Variants in CLCC1 observed in about 807,000 individuals in gnomAD.
CLCC1 encodes chloride channel CLIC like 1.
Under a neutral mutation model 63.3 loss-of-function variants are expected in CLCC1, and 39 were observed. The observed-to-expected ratio is 0.62, with a 90% confidence interval of 0.48 to 0.81. The LOEUF is 0.81. Among genes scored for constraint, CLCC1 ranks in the 30% least tolerant of loss-of-function variants. The pLI, the probability that CLCC1 is intolerant of heterozygous loss-of-function variation, is 0.00. For synonymous variants in CLCC1, 217 were observed against 239.8 expected (o/e 0.90, Z 0.88); for missense variants, 549 against 669.4 (o/e 0.82, Z 1.98).
Position 108,940,045 on chromosome 1 carries a change from C to T in CLCC1, c.894G>A (p.Lys298=), listed in dbSNP as rs761340892. The T allele has an allele frequency of 2.5e-6, 4 of 1,604,206 alleles. No individual in the cohort carries two copies. The South Asian group carries it at 4.5e-5, about 18-fold the overall frequency. ...VNPIWLVPPT[K]ALAVTFTTFV... ...AATTTTTACAAAATATATGCTATAC[C>T]TTTGTTGGTGGGACCAACCAAATAG... The change falls in exon 9 of 13, where the codon AAG becomes AAA. Residue 298 remains lysine (K), a splice_region_variant and synonymous_variant. Coordinates refer to ENST00000369969, the MANE Select transcript of CLCC1 (RefSeq NM_001377458.1).
intron 2 of CLCC1, among the ~76,000 whole-genome samples, chr1:108,952,663 G>A (rs1655363859): frequency 6.6e-6 from 1 of 151,994 alleles, no homozygotes; most frequent in African/African-American, 2.4e-5. Context: ...AGCCAGGCAT[G>A]GTGGTGTGTG....
At chr1:108,937,661 G>T (rs1030616452) in intron 10 of CLCC1, among the ~76,000 whole-genome samples, 1 of 152,128 alleles carries the variant, frequency 6.6e-6, no homozygotes, top group Non-Finnish European at 1.5e-5. Context: ...GACACATTTC[G>T]ATTGAACTAT....
chr1:108,934,465 A>C (rs1186179237), intron 12 of CLCC1, 160 bp downstream of exon 12: 2 of 542,586 alleles, frequency 3.7e-6, no homozygotes, highest in Non-Finnish European at 6.3e-6. Flanking sequence ...ATCAAAGAGA[A>C]GATGAAATGA....
chr1:108,953,871 A>G lies in CLCC1; in HGVS notation c.-11-3423T>C, dbSNP rs191607854. Among the ~76,000 whole-genome samples, 1,331 of 148,734 alleles carry G rather than the reference A, an allele frequency of 8.9e-3. 18 individuals are homozygous for G. The highest frequency in any genetic ancestry group is 0.026 in the African/African-American group (993 of 38,292). On this transcript the variant is annotated intron_variant, in intron 2 of 12. Coordinates refer to ENST00000369969, the MANE Select transcript of CLCC1 (RefSeq NM_001377458.1). ...ACTAAAAATACAAAATTAGCTGGGT[A>G]TGGTGGTGCATGCCTGTAATCCCAG...
At position 108,951,058 on chromosome 1, in the gene CLCC1, T is replaced by C. The variant is rs78808389; in HGVS notation, c.-11-610A>G. On this transcript the variant is annotated intron_variant, in intron 2 of 12. Transcript: ENST00000369969. Reference sequence around the variant, plus strand: ...ATATGTCCACACAAAAACTTGTACATGAATGTTCAGAGCCACATTTTTCGT... The same window carrying C: ...ATATGTCCACACAAAAACTTGTACACGAATGTTCAGAGCCACATTTTTCGT... Among the ~76,000 whole-genome samples the C allele has an allele frequency of 5.2e-3, 799 of 152,230 alleles. 11 individuals are homozygous for C. Among genetic ancestry groups the C allele is most frequent in the African/African-American group, 0.018 (748 of 41,518 alleles).
chr1:108,956,457 C>G (rs974689868), intron 2 of CLCC1, among the ~76,000 whole-genome samples: 6 of 150,992 alleles, frequency 4.0e-5, no homozygotes, highest in Non-Finnish European at 4.4e-5. Context: ...GTCAGGAGAT[C>G]GAGACCATCC....
intron 2 of CLCC1, among the ~76,000 whole-genome samples, chr1:108,957,738 T>C (rs1257757709): frequency 1.3e-5 from 2 of 151,418 alleles, no homozygotes; most frequent in African/African-American, 4.9e-5. Flanking sequence ...TGTTTGGATA[T>C]AGTAAATCTG....
At chr1:108,956,995 T>C (rs1272496539) in intron 2 of CLCC1, among the ~76,000 whole-genome samples, 1 of 151,082 alleles carries the variant, frequency 6.6e-6, no homozygotes, top group East Asian at 1.9e-4. Context: ...AGGGGCGTGA[T>C]AGAATCTGGT....
chr1:108,935,231 G>C (rs1175477170), intron 11 of CLCC1, among the ~76,000 whole-genome samples: 2 of 152,172 alleles, frequency 1.3e-5, no homozygotes, highest in Non-Finnish European at 2.9e-5. Flanking sequence ...TCTCTTGCCT[G>C]GTGAGAATAA....
chr1:108,963,059 A>C (rs926363311), intron 1 of CLCC1, among the ~76,000 whole-genome samples: 1 of 152,216 alleles, frequency 6.6e-6, no homozygotes, highest in Admixed American at 6.5e-5. Flanking sequence ...ACAGAATTCA[A>C]CGTGCGCTCA....
intron 5 of CLCC1, among the ~76,000 whole-genome samples, chr1:108,944,984 C>A (rs1323881713): frequency 6.6e-6 from 1 of 152,180 alleles, no homozygotes; most frequent in African/African-American, 2.4e-5. Context: ...AAGTACTGAA[C>A]CATTACTCCT....
In CLCC1 at chr1:108,937,239, AGTG is replaced by A. The variant is rs1653150999; in HGVS notation, c.1218_1220del (p.Thr407del). ...ACGTTTTGGCATAAGGGCCTTGCTC[AGTG>A]GGGCCCATTTGGCCCCTATAATGGA... On this transcript the variant is annotated inframe_deletion, in exon 11 of 13. Coordinates refer to ENST00000369969, the MANE Select transcript of CLCC1 (RefSeq NM_001377458.1). 6.2e-7 allele frequency: 1 copy of A among 1,614,044 alleles called. No individual in the cohort carries two copies. The highest frequency in any genetic ancestry group is 1.1e-5 in the South Asian group (1 of 91,080).
At chr1:108,946,845 A>C (rs9440637) in intron 5 of CLCC1, among the ~76,000 whole-genome samples, 49,013 of 152,090 alleles carry the variant, frequency 0.32, 8,072 homozygotes, top group East Asian at 0.39. Flanking sequence ...TTCACTTCCC[A>C]AAGTGAAAAC....
At chr1:108,957,932 G>C (rs951905864) in intron 2 of CLCC1, among the ~76,000 whole-genome samples, 1 of 151,342 alleles carries the variant, frequency 6.6e-6, no homozygotes, top group African/African-American at 2.5e-5. Context: ...AACATTCGGG[G>C]ATCAGAAAGA....
intron 7 of CLCC1, among the ~76,000 whole-genome samples, chr1:108,942,451 A>T (rs562940141): frequency 1.1e-3 from 173 of 152,370 alleles, no homozygotes; most frequent in African/African-American, 4.0e-3. Flanking sequence ...AAATACTATA[A>T]TACTTACAGC....
rs112300957 is a variant in CLCC1, at chr1:108,950,245, G to A, written c.129+64C>T. ...TCATAGCTCTGTGCAAAACAACAGA[G>A]CTAGACTGTTTCCATCATGGGACTG... On this transcript the variant is annotated intron_variant, in intron 3 of 12. Transcript: ENST00000369969. 31 of 1,525,882 alleles carry A rather than the reference G, an allele frequency of 2.0e-5. No individual in the cohort carries two copies. In the African/African-American group the frequency reaches 2.6e-4, roughly 13 times the overall value. 94.5% of individuals were successfully genotyped at this position (1,525,882 alleles called of 1,614,324 possible).
chr1:108,933,527 CA>C (rs1467364732), intron 12 of CLCC1: 2 of 152,180 alleles, frequency 1.3e-5, no homozygotes, highest in Admixed American at 6.5e-5. Flanking sequence ...AATAAAAAAG[CA>C]AGTGCTTGGG....
intron 6 of CLCC1, 64 bp downstream of exon 6, chr1:108,943,772 G>C (rs1654161118): frequency 6.9e-7 from 1 of 1,459,238 alleles, no homozygotes; most frequent in East Asian, 2.3e-5. Context: ...AATTATGGTG[G>C]AGTTTGGAAA....
Position 108,934,718 on chromosome 1 carries a change from A to C in CLCC1, c.1608T>G (p.Gly536=). ...DQGSTYSPAR[G]VAGPRGQDPV... is the part of the protein sequence containing the mutation. ...GATCCTGTCCACGTGGTCCAGCCACACCTCTTGCGGGGCTGTATGTGCTGC... is the reference window on the plus strand; with the variant it reads ...GATCCTGTCCACGTGGTCCAGCCACCCCTCTTGCGGGGCTGTATGTGCTGC... The change falls in exon 12 of 13, where the codon GGT becomes GGG. Residue 536 remains glycine, a synonymous_variant. Coordinates refer to ENST00000369969, the MANE Select transcript of CLCC1 (RefSeq NM_001377458.1). 5 of 1,614,050 alleles carry C rather than the reference A, an allele frequency of 3.1e-6. No homozygotes were observed. Among genetic ancestry groups the C allele is most frequent in the Non-Finnish European group, 4.2e-6 (5 of 1,180,024 alleles).
Sources: allele counts gnomAD v4.1 joint callset (sites outside exome capture counted in the v4.1 genomes callset), GRCh38; gene constraint gnomAD v4.1.1; transcripts MANE v1.5; gene names NCBI Gene and HGNC (gene_info 2026-07-23, HGNC 2026-07-21).